Variants in PWWP2A observed in about 807,000 individuals in gnomAD.
The protein encoded by PWWP2A is PWWP domain containing 2A.
A neutral mutation model predicts 48.5 loss-of-function variants in PWWP2A; 18 were observed. That is an observed-to-expected ratio of 0.37 (90% CI 0.26 to 0.55). PWWP2A has a LOEUF of 0.55. Ranked by LOEUF, PWWP2A falls within the 20% of genes least tolerant of loss-of-function variation. PWWP2A has a pLI of 0.81. For missense variants in PWWP2A, 867 were observed against 976.4 expected (o/e 0.89, Z 1.49); for synonymous variants, 396 against 387.7 (o/e 1.02, Z -0.25).
intron 2 of PWWP2A, among the ~76,000 whole-genome samples, chr5:160,085,919 C>T (rs756749652): frequency 4.6e-5 from 7 of 151,848 alleles, no homozygotes; most frequent in Admixed American, 1.3e-4. Context: ...ACTGGGTTCA[C>T]GGCATTCTAC....
chr5:160,080,780 A>C (rs766891058), intron 2 of PWWP2A: 10 of 1,512,684 alleles, frequency 6.6e-6, no homozygotes, highest in Non-Finnish European at 1.8e-6. Flanking sequence ...CCTATGGTAG[A>C]AAAAACCAAG....
chr5:160,115,010 G>A (rs1757968170), intron 1 of PWWP2A, among the ~76,000 whole-genome samples: 1 of 151,776 alleles, frequency 6.6e-6, no homozygotes. Context: ...GCTGGCATGT[G>A]TCTGTAGTCC....
chr5:160,084,425 G>A (rs989437826), intron 2 of PWWP2A, among the ~76,000 whole-genome samples: 3 of 152,060 alleles, frequency 2.0e-5, no homozygotes, highest in African/African-American at 7.2e-5. Flanking sequence ...CACTACTGTT[G>A]CAAAAATCTT....
Position 160,119,152 on chromosome 5 carries a change from G to A in PWWP2A, c.237C>T (p.Ala79=), listed in dbSNP as rs1758459475. 7 of 1,549,434 alleles carry A rather than the reference G, an allele frequency of 4.5e-6. No homozygotes were observed. The highest frequency in any genetic ancestry group is 1.2e-5 in the South Asian group (1 of 85,524). Residue 79 remains alanine, a synonymous_variant, in exon 1 of 2, where the codon GCC becomes GCT. Transcript: ENST00000307063. ...PPPPPPPGEL[A]RSPEAVGPEL... ...CCGGCCCCACCGCCTCTGGGCTGCG[G>A]GCGAGCTCCCCCGGCGGCGGCGGTG...
the PWWP2A span, among the ~76,000 whole-genome samples, chr5:160,056,284 C>T: frequency 2.6e-5 from 4 of 152,202 alleles, no homozygotes; most frequent in African/African-American, 9.6e-5. Context: ...TAATCCAACC[C>T]AGGTTTTCCA....
intron 1 of PWWP2A, among the ~76,000 whole-genome samples, chr5:160,114,768 T>TA (rs56276633): frequency 0.14 from 17,641 of 128,788 alleles, 1,371 homozygotes; most frequent in Non-Finnish European, 0.19. Context: ...GTCTCAAGGG[T>TA]AAAAAAAAAA....
chr5:160,090,137 A>G, downstream of PWWP2A: 1 of 985,308 alleles, frequency 1.0e-6, no homozygotes, highest in Non-Finnish European at 1.2e-6. Context: ...GTGTTCTACA[A>G]AACTGATTGT....
intron 1 of PWWP2A, among the ~76,000 whole-genome samples, chr5:160,110,497 G>A (rs975370025): frequency 1.3e-5 from 2 of 151,890 alleles, no homozygotes; most frequent in South Asian, 2.1e-4. Context: ...ACCTAAGGTC[G>A]GGAGTTCAAG....
In PWWP2A at chr5:160,093,514, C is replaced by T. The variant is rs562905716; in HGVS notation, c.1136G>A (p.Ser379Asn). ...HKVDGKNQNE[S>N]QKRNAVVKVS... ...CTTAACCACAGCATTTCTTTTCTGG[C>T]TTTCATTTTGGTTTTTCCCATCCAC... Residue 379 changes from serine to asparagine, a missense_variant, in exon 2 of 2, where the codon AGC (serine) becomes AAC (asparagine). Physicochemically the swap from Ser to Asn is conservative, Grantham distance 46 (BLOSUM62 1). Coordinates refer to ENST00000307063, the MANE Select transcript of PWWP2A (RefSeq NM_001130864.2). The surrounding 1 kb of genome is among the most constrained non-coding windows in gnomAD (Gnocchi z 5.8). The T allele has an allele frequency of 7.4e-6, 12 of 1,613,876 alleles. 1 individual carries two copies. In the South Asian group the frequency reaches 1.2e-4, roughly 16 times the overall value.
chr5:160,117,426 G>A (rs145058212), intron 1 of PWWP2A, among the ~76,000 whole-genome samples: 5,726 of 152,340 alleles, frequency 0.038, 351 homozygotes, highest in African/African-American at 0.13. Flanking sequence ...AGGCTGAGGC[G>A]GGTGGATAAC....
chr5:160,114,893 C>A (rs1757954350), intron 1 of PWWP2A, among the ~76,000 whole-genome samples: 2 of 151,942 alleles, frequency 1.3e-5, no homozygotes, highest in South Asian at 4.1e-4. Flanking sequence ...ATAATCCCAG[C>A]ACTCTGGGAG....
At chr5:160,094,528 G>C (rs1219568202) in intron 1 of PWWP2A, among the ~76,000 whole-genome samples, 1 of 152,154 alleles carries the variant, frequency 6.6e-6, no homozygotes, top group Non-Finnish European at 1.5e-5. Flanking sequence ...ACTACTTAAT[G>C]AGTAAAATCC....
At chr5:160,111,601 T>C (rs1458817624) in intron 1 of PWWP2A, among the ~76,000 whole-genome samples, 2 of 151,982 alleles carry the variant, frequency 1.3e-5, no homozygotes, top group Non-Finnish European at 2.9e-5. Flanking sequence ...ACGACTGCAC[T>C]CCAGTCTCTG....
chr5:160,092,951 A>G lies in PWWP2A; in HGVS notation c.1699T>C (p.Tyr567His). The change falls in exon 2 of 2, where the codon TAT (tyrosine) becomes CAT (histidine). Residue 567 changes from tyrosine (Y) to histidine (H), a missense_variant. Tyr to His is a moderately conservative substitution (Grantham distance 83). Around this residue, in one of 4 missense-constraint regions of PWWP2A, gnomAD observed 382 missense variants for 407.2 expected, o/e 0.94. Coordinates refer to ENST00000307063, the MANE Select transcript of PWWP2A (RefSeq NM_001130864.2). ...GATTTCTTTTGATTTAGGGTCATATAAACAGAGATATTGTTTTTGCTGCCC... is the reference window on the plus strand; with the variant it reads ...GATTTCTTTTGATTTAGGGTCATATGAACAGAGATATTGTTTTTGCTGCCC... ...KKGSKNNISV[Y>H]MTLNQKKSDS... 6.4e-7 allele frequency: 1 copy of G among 1,552,126 alleles called. No homozygotes were observed. The highest frequency in any genetic ancestry group is 8.7e-7 in the Non-Finnish European group (1 of 1,147,190).
At chr5:160,055,273 C>G in the PWWP2A span, among the ~76,000 whole-genome samples, 1 of 152,258 alleles carries the variant, frequency 6.6e-6, no homozygotes, top group African/African-American at 2.4e-5. Context: ...TTTGGTTCTT[C>G]CTTGATCTGT....
chr5:160,072,929 G>C (rs144742419), downstream of PWWP2A, among the ~76,000 whole-genome samples: 580 of 142,732 alleles, frequency 4.1e-3, 3 homozygotes, highest in African/African-American at 0.015. Context: ...ACTTGAACCT[G>C]GGAGGCGGAA....
intron 1 of PWWP2A, among the ~76,000 whole-genome samples, chr5:160,104,020 A>G (rs1363335242): frequency 6.8e-6 from 1 of 147,936 alleles, no homozygotes; most frequent in Non-Finnish European, 1.5e-5. Context: ...TCTACTCAGG[A>G]GGCTGAGCCA....
At chr5:160,106,333 A>G (rs540766373) in intron 1 of PWWP2A, among the ~76,000 whole-genome samples, 5 of 152,316 alleles carry the variant, frequency 3.3e-5, no homozygotes, top group African/African-American at 1.2e-4. Context: ...GTGTCTATCT[A>G]TGAAATGGGG....
intron 2 of PWWP2A, chr5:160,066,956 C>T (rs1483820878): frequency 6.6e-6 from 1 of 152,028 alleles, no homozygotes; most frequent in Non-Finnish European, 1.5e-5. Context: ...GGATTGATTG[C>T]TTGAGCCCAG....
Sources: gnomAD v4.1 joint callset for allele counts (sites outside exome capture counted in the v4.1 genomes callset) on GRCh38, gnomAD v4.1.1 for gene constraint, gnomAD v4.1.1 regional missense constraint, Gnocchi (gnomAD v3.1) non-coding constraint, MANE v1.5 for transcripts, NCBI Gene and HGNC (gene_info 2026-07-23, HGNC 2026-07-21) for gene names.